Variants in GSK3B observed in about 807,000 individuals in gnomAD.
GSK3B encodes glycogen synthase kinase 3 beta.
GSK3B carries 15 observed loss-of-function variants against 56.4 expected under a neutral mutation model. The ratio of observed to expected loss-of-function variants is 0.27; its 90% CI spans 0.18 to 0.41. The LOEUF is 0.41. GSK3B is among the 10% of genes least tolerant of loss of function. The pLI is 1.00. For synonymous variants in GSK3B, 181 were observed against 188.9 expected (o/e 0.96, Z 0.34); for missense variants, 300 against 513.4 (o/e 0.58, Z 4.02).
chr3:119,856,151 T>A (rs999347296), intron 9 of GSK3B, among the ~76,000 whole-genome samples: 1 of 152,234 alleles, frequency 6.6e-6, no homozygotes, highest in African/African-American at 2.4e-5. Context: ...GATGCATATG[T>A]CCTTGAATAT....
rs143344808 is a variant in GSK3B at position 120,032,917 on chromosome 3, C to T, written c.89-30678G>A. On this transcript the variant is annotated intron_variant, in intron 1 of 10. Transcript: ENST00000264235. Reference sequence around the variant, plus strand: ...TCACCCAACTAAAGTGCACATTGAACGATTTTTAGTACTTTCACAGGCTTG... The same window carrying T: ...TCACCCAACTAAAGTGCACATTGAATGATTTTTAGTACTTTCACAGGCTTG... Among the ~76,000 whole-genome samples the T allele has an allele frequency of 1.5e-3, 232 of 152,260 alleles. 2 individuals are homozygous for T. The highest frequency in any genetic ancestry group is 4.8e-3 in the African/African-American group (198 of 41,546).
intron 1 of GSK3B, among the ~76,000 whole-genome samples, chr3:120,082,385 CTTTTTTTTTTTTTT>C (rs1173737285): frequency 2.3e-4 from 15 of 66,402 alleles, no homozygotes; most frequent in Admixed American, 7.6e-4. Flanking sequence ...TTAGTATGTT[CTTTTTTTTTTTTTT>C]TTTTTTTTTT....
At chr3:120,008,635 C>T (rs931767577) in intron 1 of GSK3B, among the ~76,000 whole-genome samples, 23 of 152,264 alleles carry the variant, frequency 1.5e-4, no homozygotes, top group East Asian at 1.2e-3. Context: ...ATAAATGGTG[C>T]TGGAAAAACT....
intron 9 of GSK3B, among the ~76,000 whole-genome samples, chr3:119,860,024 C>T (rs2056079704): frequency 6.6e-6 from 1 of 152,214 alleles, no homozygotes; most frequent in Admixed American, 6.5e-5. Context: ...CCACCCCCAT[C>T]CTACCCTACA....
At chr3:119,885,566 T>C (rs1007599249) in intron 7 of GSK3B, among the ~76,000 whole-genome samples, 13 of 152,230 alleles carry the variant, frequency 8.5e-5, no homozygotes, top group East Asian at 3.9e-4. Context: ...AAAATTCATA[T>C]GGAACCAAAA....
intron 8 of GSK3B, among the ~76,000 whole-genome samples, chr3:119,876,100 A>G (rs756149595): frequency 9.9e-5 from 15 of 152,272 alleles, no homozygotes; most frequent in Non-Finnish European, 1.9e-4. Flanking sequence ...CTATGTAAAT[A>G]AACTTCTGAA....
At chr3:119,862,753 T>C (rs2056124708) in intron 9 of GSK3B, among the ~76,000 whole-genome samples, 1 of 149,924 alleles carries the variant, frequency 6.7e-6, no homozygotes, top group Non-Finnish European at 1.5e-5. Context: ...GCGGTGTGAC[T>C]GAATGAATGA....
intron 1 of GSK3B, among the ~76,000 whole-genome samples, chr3:120,052,757 A>C (rs560896877): frequency 1.3e-5 from 2 of 152,212 alleles, no homozygotes; most frequent in Non-Finnish European, 2.9e-5. Context: ...AAAAACATCA[A>C]GCTTAGAAAA....
At chr3:119,838,157 T>C (rs2055720332) in intron 10 of GSK3B, among the ~76,000 whole-genome samples, 1 of 151,626 alleles carries the variant, frequency 6.6e-6, no homozygotes, top group Non-Finnish European at 1.5e-5. Context: ...GGTATGGTAG[T>C]GCGCGCCTGT....
intron 1 of GSK3B, among the ~76,000 whole-genome samples, chr3:120,026,544 C>A (rs932566606): frequency 7.1e-6 from 1 of 140,864 alleles, no homozygotes. Context: ...CACACACACA[C>A]ACACACACAA....
At chr3:119,866,302 C>T (rs1188349300) in intron 8 of GSK3B, among the ~76,000 whole-genome samples, 1 of 152,096 alleles carries the variant, frequency 6.6e-6, no homozygotes, top group Admixed American at 6.5e-5. Context: ...CCTTTGGTTT[C>T]ATGGATCTTC....
chr3:120,017,284 A>T (rs2057835164), intron 1 of GSK3B, among the ~76,000 whole-genome samples: 1 of 152,210 alleles, frequency 6.6e-6, no homozygotes, highest in Non-Finnish European at 1.5e-5. Context: ...ACATTCTAGA[A>T]ACATCAACCT....
chr3:119,906,898 G>C (rs1417682377), intron 6 of GSK3B, among the ~76,000 whole-genome samples: 4 of 152,086 alleles, frequency 2.6e-5, no homozygotes, highest in African/African-American at 9.7e-5. Flanking sequence ...CGTTGCTCCA[G>C]TGACTACTTT....
chr3:119,995,419 G>C (rs1282283977), intron 2 of GSK3B, among the ~76,000 whole-genome samples: 2 of 152,058 alleles, frequency 1.3e-5, no homozygotes, highest in East Asian at 3.9e-4. Flanking sequence ...TGGATAAAAG[G>C]TTTAAGGAAG....
At chr3:119,845,297 G>A (rs1486316708) in intron 9 of GSK3B, among the ~76,000 whole-genome samples, 1 of 152,146 alleles carries the variant, frequency 6.6e-6, no homozygotes, top group Non-Finnish European at 1.5e-5. Flanking sequence ...ATTCAACATA[G>A]TATTGGAAGT....
intron 1 of GSK3B, among the ~76,000 whole-genome samples, chr3:120,003,250 G>C (rs1197389082): frequency 1.3e-5 from 2 of 152,066 alleles, no homozygotes; most frequent in African/African-American, 4.8e-5. Context: ...CAATCCAACG[G>C]CTCTCTTCAA....
At position 119,876,437 on chromosome 3, in the gene GSK3B, T is replaced by G. The variant is rs549729441; in HGVS notation, c.885A>C (p.Gln295His). 1 of 1,604,922 alleles carries G rather than the reference T, an allele frequency of 6.2e-7. No individual in the cohort carries two copies. Among genetic ancestry groups the G allele is most frequent in the African/African-American group, 1.3e-5 (1 of 74,824 alleles). Reference sequence around the variant, plus strand: ...CCTTAGTCCAAGGATGTGCCTTAATTTGAGGGAATTTAAATTCTGTGTAGT... The same window carrying G: ...CCTTAGTCCAAGGATGTGCCTTAATGTGAGGGAATTTAAATTCTGTGTAGT... ...NPNYTEFKFPQIKAHPWTKVF... is the reference protein window; with the variant it reads ...NPNYTEFKFPHIKAHPWTKVF... The change falls in exon 8 of 11, where the codon CAA becomes CAC. Residue 295 changes from glutamine to histidine, a missense_variant. Transcript: ENST00000264235.
At chr3:119,907,951 T>C (rs1239132800) in intron 6 of GSK3B, among the ~76,000 whole-genome samples, 1 of 152,210 alleles carries the variant, frequency 6.6e-6, no homozygotes, top group Non-Finnish European at 1.5e-5. Context: ...CATTCTGCCA[T>C]TTGTCAGTAA....
At chr3:119,933,313 T>C (rs2056964928) in intron 3 of GSK3B, among the ~76,000 whole-genome samples, 1 of 152,178 alleles carries the variant, frequency 6.6e-6, no homozygotes, top group Non-Finnish European at 1.5e-5. Flanking sequence ...ACAATTCTTG[T>C]GAAAGTCCAA....
Sources: allele counts gnomAD v4.1 joint callset (sites outside exome capture counted in the v4.1 genomes callset), GRCh38; gene constraint gnomAD v4.1.1; transcripts MANE v1.5; gene names NCBI Gene and HGNC (gene_info 2026-07-23, HGNC 2026-07-21).